PCDH15: variants seen among roughly 807,000 people sequenced by gnomAD.
PCDH15 encodes the protein protocadherin-15.
In PCDH15, 129 loss-of-function variants were observed where a neutral mutation model predicts 178.5. That is an observed-to-expected ratio of 0.72 (90% confidence interval 0.63 to 0.84). The LOEUF is 0.84. PCDH15 is among the 40% of genes least tolerant of loss of function. PCDH15 has a pLI of 0.00. For missense variants in PCDH15, 2,230 were observed against 2,099.9 expected, an observed-to-expected ratio of 1.06 and a Z score of -1.21; for synonymous variants, 800 against 732.0, an observed-to-expected ratio of 1.09 and a Z score of -1.50.
intron 3 of PCDH15, among the ~76,000 whole-genome samples, chr10:54,491,718 A>G (rs1330623542): frequency 2.6e-5 from 4 of 152,168 alleles, no homozygotes; most frequent in South Asian, 2.1e-4. Context: ...GCTTTTTACT[A>G]CTTTAAGCTC....
At chr10:54,859,523 T>C (rs1332685571) in intron 3 of PCDH15, among the ~76,000 whole-genome samples, 1 of 152,006 alleles carries the variant, frequency 6.6e-6, no homozygotes, top group Non-Finnish European at 1.5e-5. Context: ...TAAAAAATAA[T>C]TGCCTAACTC....
chr10:54,975,194 C>A (rs992825964), intron 2 of PCDH15, among the ~76,000 whole-genome samples: 1 of 152,156 alleles, frequency 6.6e-6, no homozygotes, highest in Non-Finnish European at 1.5e-5. Flanking sequence ...TTGAGAAATG[C>A]TTTTCCTATT....
chr10:54,786,501 T>C (rs1950890010), intron 1 of PCDH15, among the ~76,000 whole-genome samples: 1 of 152,014 alleles, frequency 6.6e-6, no homozygotes. Context: ...TTTATAGAAG[T>C]CAAAGACATA....
intron 2 of PCDH15, among the ~76,000 whole-genome samples, chr10:55,064,805 A>T (rs1172197587): frequency 5.9e-5 from 9 of 152,084 alleles, no homozygotes; most frequent in Non-Finnish European, 1.2e-4. Flanking sequence ...AGCAAATGAA[A>T]ACAAAGACAT....
intron 2 of PCDH15, among the ~76,000 whole-genome samples, chr10:55,619,604 A>G (rs896630719): frequency 3.5e-4 from 53 of 152,058 alleles, no homozygotes; most frequent in African/African-American, 1.2e-3. Flanking sequence ...CGAGAATCAA[A>G]TTAGTTAATA....
chr10:54,288,780 T>C (rs954484867), intron 8 of PCDH15, among the ~76,000 whole-genome samples: 3 of 152,212 alleles, frequency 2.0e-5, no homozygotes, highest in Admixed American at 6.5e-5. Flanking sequence ...CAGTCTGAGA[T>C]TGAACTGCGG....
intron 32 of PCDH15, chr10:53,821,456 A>C: frequency 4.9e-6 from 5 of 1,020,114 alleles, no homozygotes; most frequent in Non-Finnish European, 5.9e-6. Context: ...TATTTGTAAC[A>C]GTCTGCTTTT....
chr10:53,924,915 G>A (rs1378885743), intron 25 of PCDH15, among the ~76,000 whole-genome samples: 1 of 152,096 alleles, frequency 6.6e-6, no homozygotes, highest in African/African-American at 2.4e-5. Context: ...CAGTGCTCTG[G>A]GGTTTTGGAG....
chr10:55,095,172 G>T (rs1842419813), intron 2 of PCDH15, among the ~76,000 whole-genome samples: 2 of 151,836 alleles, frequency 1.3e-5, no homozygotes, highest in African/African-American at 4.8e-5. Flanking sequence ...AAACTCCTGA[G>T]CTTAAGTGAT....
At chr10:54,553,723 T>C (rs1201631763) in intron 2 of PCDH15, among the ~76,000 whole-genome samples, 1 of 152,176 alleles carries the variant, frequency 6.6e-6, no homozygotes, top group African/African-American at 2.4e-5. Context: ...CTTATCCTGT[T>C]CAGTCTTTGA....
chr10:54,516,256 C>T (rs1024806572), intron 3 of PCDH15, among the ~76,000 whole-genome samples: 20 of 151,946 alleles, frequency 1.3e-4, no homozygotes, highest in South Asian at 2.1e-4. Flanking sequence ...TGATCAACTA[C>T]GCTGAGCTAC....
intron 2 of PCDH15, among the ~76,000 whole-genome samples, chr10:55,355,209 C>T (rs1588948353): frequency 6.6e-6 from 1 of 151,992 alleles, no homozygotes; most frequent in African/African-American, 2.4e-5. Context: ...AGAGCTGCTA[C>T]AAACATTTGC....
intron 2 of PCDH15, among the ~76,000 whole-genome samples, chr10:55,388,875 C>A (rs1301869009): frequency 6.6e-6 from 1 of 152,016 alleles, no homozygotes; most frequent in African/African-American, 2.4e-5. Context: ...TCATTTGGAA[C>A]TGAGCCACTG....
intron 2 of PCDH15, among the ~76,000 whole-genome samples, chr10:55,158,649 A>C (rs1335037181): frequency 1.3e-5 from 2 of 151,566 alleles, no homozygotes; most frequent in Non-Finnish European, 2.9e-5. Flanking sequence ...ACATGAAATC[A>C]TTAAAGAAGT....
chr10:55,413,851 T>C (rs1345524367), intron 2 of PCDH15, among the ~76,000 whole-genome samples: 5 of 151,488 alleles, frequency 3.3e-5, no homozygotes, highest in African/African-American at 1.2e-4. Context: ...AAATCACATA[T>C]TGAATGAAGA....
intron 18 of PCDH15, among the ~76,000 whole-genome samples, chr10:54,048,049 T>A (rs1207008540): frequency 6.6e-6 from 1 of 152,154 alleles, no homozygotes; most frequent in East Asian, 1.9e-4. Context: ...TTCCCTTTTT[T>A]CCACACCTTT....
chr10:55,463,104 A>G (rs1839715314), intron 2 of PCDH15, among the ~76,000 whole-genome samples: 1 of 151,834 alleles, frequency 6.6e-6, no homozygotes, highest in South Asian at 2.1e-4. Context: ...AAGAGAAAAA[A>G]AAAAAAACAA....
intron 2 of PCDH15, among the ~76,000 whole-genome samples, chr10:55,028,972 C>A (rs1177590199): frequency 2.0e-5 from 2 of 101,260 alleles, no homozygotes; most frequent in African/African-American, 6.7e-5. Context: ...TTTAAAATTG[C>A]ATTCAAATTT....
chr10:54,605,860 G>A (rs1324319756), intron 2 of PCDH15: 5 of 152,090 alleles, frequency 3.3e-5, no homozygotes, highest in African/African-American at 7.2e-5. Flanking sequence ...TCATAGACAC[G>A]TCAGTTGAAA....
Sources: allele counts gnomAD v4.1 joint callset (sites outside exome capture counted in the v4.1 genomes callset), GRCh38; gene constraint gnomAD v4.1.1; transcripts MANE v1.5; gene names NCBI Gene and HGNC (gene_info 2026-07-23, HGNC 2026-07-21).